The following SLC25A26 variants were observed in gnomAD, a reference collection of about 807,000 sequenced individuals.
SLC25A26 encodes solute carrier family 25 member 26, also known as mitochondrial S-adenosylmethionine carrier protein.
SLC25A26 carries 36 observed loss-of-function variants against 37.8 expected under a neutral mutation model. The ratio of observed to expected loss-of-function variants is 0.95; its 90% CI spans 0.73 to 1.26. SLC25A26 has a LOEUF of 1.26. SLC25A26 is among the 50% of genes most tolerant of loss of function. The probability of loss-of-function intolerance (pLI) is 0.00; values close to 1 mark genes in which losing one functional copy is unlikely to be tolerated. For synonymous variants in SLC25A26, 129 were observed against 122.5 expected, an observed-to-expected ratio of 1.05 and a Z score of -0.35; for missense variants, 390 against 331.1, an observed-to-expected ratio of 1.18 and a Z score of -1.38.
intron 5 of SLC25A26, among the ~76,000 whole-genome samples, chr3:66,292,554 T>C (rs1334346764): frequency 1.3e-5 from 2 of 152,208 alleles, no homozygotes; most frequent in African/African-American, 2.4e-5. Flanking sequence ...CCTTTGCTTA[T>C]GAAGCTTAGT....
chr3:66,209,176 GATAT>G (rs1210287034), intron 1 of SLC25A26, among the ~76,000 whole-genome samples: 9 of 115,116 alleles, frequency 7.8e-5, no homozygotes, highest in East Asian at 2.5e-4. Context: ...GGTATATAAA[GATAT>G]ATATATATAT....
intron 6 of SLC25A26, among the ~76,000 whole-genome samples, chr3:66,355,362 A>C (rs1279335551): frequency 6.6e-6 from 1 of 152,168 alleles, no homozygotes; most frequent in East Asian, 1.9e-4. Flanking sequence ...CGCATATAAA[A>C]TTGATGCTGC....
chr3:66,377,992 C>T lies in SLC25A26; in HGVS notation c.*185C>T. On this transcript the variant is annotated 3_prime_UTR_variant, in exon 10 of 10. Coordinates refer to ENST00000354883, the MANE Select transcript of SLC25A26 (RefSeq NM_001379210.1). ...GGTATGAAGTCATTGGCCTGTATGC[C>T]AGAGAGCTAAGAGAAGAAAACGGGG... 1 of 543,426 alleles carries T rather than the reference C, an allele frequency of 1.8e-6. No homozygotes were observed. The highest frequency in any genetic ancestry group is 3.3e-6 in the Non-Finnish European group (1 of 304,662). The allele number at this position is 543,426 out of a possible 1,614,324, so 33.7% of individuals were successfully genotyped here.
chr3:66,345,531 C>T (rs889093804), intron 5 of SLC25A26, among the ~76,000 whole-genome samples: 2 of 150,618 alleles, frequency 1.3e-5, no homozygotes, highest in African/African-American at 2.4e-5. Flanking sequence ...TCTTTCCCCT[C>T]CTTCCTGCTT....
Position 66,295,434 on chromosome 3 carries a change from C to T in SLC25A26, c.453+32055C>T, listed in dbSNP as rs1358453555. 1.8e-4 allele frequency among the ~76,000 whole-genome samples: 25 copies of T among 141,144 alleles called. No individual in the cohort carries two copies. In the East Asian group the frequency reaches 4.6e-3, roughly 26 times the overall value. 92.6% of individuals were successfully genotyped at this position (141,144 alleles called of 152,430 possible). ...TTTTTTTTTTTTTGAGATGGAGTCT[C>T]GCTCTGTTGCCCAGGCTGGAGAGCA... On this transcript the variant is annotated intron_variant, in intron 5 of 9. Coordinates refer to ENST00000354883, the MANE Select transcript of SLC25A26 (RefSeq NM_001379210.1).
At chr3:66,341,650 C>G (rs1209455820) in intron 5 of SLC25A26, among the ~76,000 whole-genome samples, 2 of 152,092 alleles carry the variant, frequency 1.3e-5, no homozygotes, top group Non-Finnish European at 2.9e-5. Flanking sequence ...CTGTTAGATT[C>G]TTTTACTCAT....
intron 1 of SLC25A26, among the ~76,000 whole-genome samples, chr3:66,208,756 ATTTATATGGGTG>A (rs2071217893): frequency 1.2e-4 from 4 of 32,172 alleles, no homozygotes; most frequent in Non-Finnish European, 3.5e-4. Context: ...GTATATATAT[ATTTATATGGGTG>A]TATATATATA....
intron 5 of SLC25A26, among the ~76,000 whole-genome samples, chr3:66,271,085 A>T (rs1395912270): frequency 1.3e-5 from 2 of 152,134 alleles, no homozygotes; most frequent in Non-Finnish European, 2.9e-5. Flanking sequence ...TACAGGTGGA[A>T]ATTATCTGTT....
At chr3:66,362,965 GA>G (rs766446850) in intron 7 of SLC25A26, 36 bp downstream of exon 7, 9 of 1,369,646 alleles carry the variant, frequency 6.6e-6, no homozygotes, top group Non-Finnish European at 8.9e-6. Context: ...AAAGACCAAA[GA>G]GGGGGAAAAA....
chr3:66,336,349 A>G (rs1361744742), intron 5 of SLC25A26, among the ~76,000 whole-genome samples: 1 of 152,154 alleles, frequency 6.6e-6, no homozygotes, highest in Non-Finnish European at 1.5e-5. Context: ...CAGTAAAGAG[A>G]TGCTAAAATG....
intron 1 of SLC25A26, among the ~76,000 whole-genome samples, chr3:66,155,337 C>A (rs1030625453): frequency 6.6e-6 from 1 of 152,084 alleles, no homozygotes; most frequent in Non-Finnish European, 1.5e-5. Context: ...TAGTGAGACC[C>A]TGTCTCTACA....
intron 5 of SLC25A26, among the ~76,000 whole-genome samples, chr3:66,287,330 G>T (rs1317059882): frequency 2.0e-5 from 3 of 150,686 alleles, no homozygotes; most frequent in East Asian, 3.9e-4. Flanking sequence ...ACTGTTTTCT[G>T]TCTTTTCTCT....
At chr3:66,325,062 T>C (rs2075801817) in intron 5 of SLC25A26, among the ~76,000 whole-genome samples, 1 of 152,190 alleles carries the variant, frequency 6.6e-6, no homozygotes, top group Admixed American at 6.5e-5. Context: ...GAAATTCAGA[T>C]TGGATTTTTC....
At chr3:66,213,547 C>T (rs2071316482) in intron 1 of SLC25A26, among the ~76,000 whole-genome samples, 1 of 151,798 alleles carries the variant, frequency 6.6e-6, no homozygotes. Flanking sequence ...TCCTCTGCCC[C>T]CATACATGCA....
chr3:66,297,803 T>G (rs932400258), intron 5 of SLC25A26, among the ~76,000 whole-genome samples: 1 of 152,220 alleles, frequency 6.6e-6, no homozygotes, highest in Admixed American at 6.5e-5. Context: ...TCTGACTCTT[T>G]ACAGAAAAAG....
In SLC25A26 at chr3:66,230,913, G is replaced by T. The variant is rs543728212; in HGVS notation, c.34-5631G>T. 2.0e-5 allele frequency among the ~76,000 whole-genome samples: 3 copies of T among 151,968 alleles called. No homozygotes were observed. The South Asian group carries it at 6.2e-4, about 32-fold the overall frequency. On this transcript the variant is annotated intron_variant, in intron 1 of 9. Transcript: ENST00000354883. ...GAAACAACTGGGTGCAGTGGCTTATGCCTGTAATCCCAGCACTTTGGAAGG... is the reference window on the plus strand; with the variant it reads ...GAAACAACTGGGTGCAGTGGCTTATTCCTGTAATCCCAGCACTTTGGAAGG...
At position 66,304,533 on chromosome 3, in the gene SLC25A26, T is replaced by C. The variant is rs750286268; in HGVS notation, c.453+41154T>C. On this transcript the variant is annotated intron_variant, in intron 5 of 9. Transcript: ENST00000354883. ...TGTGTGGCTTGTATACATGCTGTTA[T>C]ACTGGTAAGCTCTGTAACAACCCCT... The C allele has an allele frequency of 2.2e-4, 99 of 455,064 alleles. 1 individual carries two copies. The highest frequency in any genetic ancestry group is 3.0e-4 in the South Asian group (19 of 64,274). 28.2% of individuals were successfully genotyped at this position (455,064 alleles called of 1,614,324 possible).
chr3:66,171,083 G>A (rs1374530468), intron 1 of SLC25A26, among the ~76,000 whole-genome samples: 2 of 152,068 alleles, frequency 1.3e-5, no homozygotes, highest in Admixed American at 1.3e-4. Context: ...GATTACAGGC[G>A]TGAGCCACCG....
At chr3:66,188,921 C>A (rs941255650) in intron 1 of SLC25A26, among the ~76,000 whole-genome samples, 52 of 152,220 alleles carry the variant, frequency 3.4e-4, no homozygotes, top group African/African-American at 1.2e-3. Context: ...TGACCCTCAC[C>A]CTATTGTGAT....
Sources: gnomAD v4.1 joint callset for allele counts (sites outside exome capture counted in the v4.1 genomes callset) on GRCh38, gnomAD v4.1.1 for gene constraint, MANE v1.5 for transcripts, NCBI Gene and HGNC (gene_info 2026-07-23, HGNC 2026-07-21) for gene names.